The following ALCAM variants were observed in gnomAD, a reference collection of about 807,000 sequenced individuals.
ALCAM encodes CD166 antigen.
In ALCAM, 30 loss-of-function variants were observed where a neutral mutation model predicts 70.9. The ratio of observed to expected loss-of-function variants is 0.42; its 90% confidence interval spans 0.32 to 0.57. The LOEUF (loss-of-function observed/expected upper bound fraction) is 0.57. Among genes scored for constraint, ALCAM ranks in the 20% least tolerant of loss-of-function variants. ALCAM has a pLI of 0.11. For missense variants in ALCAM, 591 were observed against 695.1 expected (o/e 0.85, Z 1.68); for synonymous variants, 249 against 242.5 (o/e 1.03, Z -0.25).
intron 14 of ALCAM, among the ~76,000 whole-genome samples, chr3:105,561,040 C>T (rs1317812372): frequency 2.6e-5 from 4 of 152,158 alleles, no homozygotes; most frequent in African/African-American, 9.7e-5. Flanking sequence ...TATATCTCCT[C>T]ATTTACTTGG....
At chr3:105,547,312 A>G (rs777913656) in intron 10 of ALCAM, 28 bp downstream of exon 10, 44 of 1,579,130 alleles carry the variant, frequency 2.8e-5, no homozygotes, top group Non-Finnish European at 3.5e-5. Flanking sequence ...CACTAATTCA[A>G]ATTGTTCTTT....
intron 1 of ALCAM, among the ~76,000 whole-genome samples, chr3:105,462,938 C>T (rs565271621): frequency 4.9e-4 from 75 of 151,560 alleles, no homozygotes; most frequent in African/African-American, 1.6e-3. Context: ...GCTATGCACT[C>T]TCTAAATTTA....
intron 2 of ALCAM, among the ~76,000 whole-genome samples, chr3:105,521,186 A>G (rs1238682961): frequency 1.3e-5 from 2 of 150,864 alleles, no homozygotes; most frequent in Non-Finnish European, 3.0e-5. Flanking sequence ...CTGTAGTCCC[A>G]GCTACTCGGG....
At chr3:105,494,955 C>G (rs1316437955) in intron 1 of ALCAM, among the ~76,000 whole-genome samples, 1 of 152,124 alleles carries the variant, frequency 6.6e-6, no homozygotes, top group African/African-American at 2.4e-5. Flanking sequence ...ACCACTGCAC[C>G]TGGACCACTG....
chr3:105,504,336 C>T (rs550389961), intron 1 of ALCAM, among the ~76,000 whole-genome samples: 1 of 152,326 alleles, frequency 6.6e-6, no homozygotes, highest in Non-Finnish European at 1.5e-5. Context: ...TACGTTGTCA[C>T]AAGGACAGAG....
chr3:105,486,687 A>G (rs576541753), intron 1 of ALCAM, among the ~76,000 whole-genome samples: 29 of 152,246 alleles, frequency 1.9e-4, no homozygotes, highest in African/African-American at 6.7e-4. Flanking sequence ...ATACATATAC[A>G]GACAGTTAAA....
At chr3:105,437,190 G>C (rs1341718627) in intron 1 of ALCAM, among the ~76,000 whole-genome samples, 2 of 152,108 alleles carry the variant, frequency 1.3e-5, no homozygotes, top group Admixed American at 1.3e-4. Context: ...GGATTTGCTT[G>C]GTTAATTTCT....
intron 9 of ALCAM, among the ~76,000 whole-genome samples, chr3:105,546,587 T>C (rs1294070002): frequency 1.3e-5 from 2 of 151,506 alleles, no homozygotes; most frequent in Non-Finnish European, 3.0e-5. Context: ...ACTCATTGCA[T>C]GTTTTACTAT....
At chr3:105,503,654 TTTG>T (rs1366641951) in intron 1 of ALCAM, among the ~76,000 whole-genome samples, 1 of 152,172 alleles carries the variant, frequency 6.6e-6, no homozygotes, top group Non-Finnish European at 1.5e-5. Flanking sequence ...CAAAAATCCT[TTTG>T]TTGACTCCAC....
At chr3:105,544,751 C>T (rs2152630115) in intron 8 of ALCAM, 1 of 164,044 alleles carries the variant, frequency 6.1e-6, no homozygotes, top group South Asian at 1.6e-4. Flanking sequence ...ATATCTGCTG[C>T]TATAGTAAAT....
At chr3:105,544,957 A>G (rs889796040) in intron 8 of ALCAM, 2 of 372,170 alleles carry the variant, frequency 5.4e-6, no homozygotes, top group African/African-American at 2.1e-5. Context: ...GAATATTTAT[A>G]TCCCCTCAAA....
intron 1 of ALCAM, among the ~76,000 whole-genome samples, chr3:105,460,760 G>A (rs985934138): frequency 6.6e-6 from 1 of 151,890 alleles, no homozygotes; most frequent in Non-Finnish European, 1.5e-5. Context: ...AGAAAAATAA[G>A]TGAAAATGGC....
intron 14 of ALCAM, among the ~76,000 whole-genome samples, chr3:105,562,120 G>T (rs969026803): frequency 6.6e-6 from 1 of 152,130 alleles, no homozygotes; most frequent in Non-Finnish European, 1.5e-5. Flanking sequence ...AGTGTAGAAG[G>T]CCCTGCCCTG....
intron 1 of ALCAM, among the ~76,000 whole-genome samples, chr3:105,513,063 T>C (rs1939279281): frequency 6.6e-6 from 1 of 151,842 alleles, no homozygotes; most frequent in Admixed American, 6.6e-5. Context: ...TGGTTCATTG[T>C]ATTCTTTCTG....
intron 1 of ALCAM, among the ~76,000 whole-genome samples, chr3:105,478,444 G>A (rs1310149593): frequency 6.6e-6 from 1 of 152,060 alleles, no homozygotes; most frequent in East Asian, 1.9e-4. Flanking sequence ...AGCTGAGGCA[G>A]CCCCTCTCAA....
At chr3:105,507,368 A>T (rs1939108035) in intron 1 of ALCAM, among the ~76,000 whole-genome samples, 1 of 152,182 alleles carries the variant, frequency 6.6e-6, no homozygotes, top group Non-Finnish European at 1.5e-5. Context: ...TTTATTCATT[A>T]TCATATCAGA....
intron 7 of ALCAM, among the ~76,000 whole-genome samples, chr3:105,540,555 T>C (rs1940091787): frequency 6.6e-6 from 1 of 151,978 alleles, no homozygotes; most frequent in Non-Finnish European, 1.5e-5. Flanking sequence ...GGTCATTATG[T>C]ATAATCTTGA....
At chr3:105,527,437 G>A (rs537995025) in intron 3 of ALCAM, among the ~76,000 whole-genome samples, 18 of 152,202 alleles carry the variant, frequency 1.2e-4, no homozygotes, top group Non-Finnish European at 1.0e-4. Context: ...TCAGTAAAAT[G>A]AATACTTTGG....
chr3:105,552,767 C>G lies in ALCAM; in HGVS notation c.1664+182C>G, dbSNP rs1014596353. 6 of 1,417,586 alleles carry G rather than the reference C, an allele frequency of 4.2e-6. No homozygotes were observed. The African/African-American group carries it at 8.7e-5, about 21-fold the overall frequency. 87.8% of individuals were successfully genotyped at this position (1,417,586 alleles called of 1,614,324 possible). A position where few individuals can be genotyped will look rare whatever the true frequency, so the allele number is the denominator to read the frequency against. On this transcript the variant is annotated intron_variant, in intron 14 of 15. Coordinates refer to ENST00000306107, the MANE Select transcript of ALCAM (RefSeq NM_001627.4). Reference sequence around the variant, plus strand: ...TTGACTACACTGCCTTTGTCAGGGACATGGCTTGGGATACTGTTTCACATG... The same window carrying G: ...TTGACTACACTGCCTTTGTCAGGGAGATGGCTTGGGATACTGTTTCACATG...
Sources: allele counts gnomAD v4.1 joint callset (sites outside exome capture counted in the v4.1 genomes callset), GRCh38; gene constraint gnomAD v4.1.1; transcripts MANE v1.5; gene names NCBI Gene and HGNC (gene_info 2026-07-23, HGNC 2026-07-21).